The following MYLK variants were observed in gnomAD, a reference collection of about 807,000 sequenced individuals.
MYLK encodes the protein myosin light chain kinase, also known as myosin light chain kinase, smooth muscle.
In MYLK, 106 loss-of-function variants were observed where a neutral mutation model predicts 203.4. The observed-to-expected ratio is 0.52, with a 90% CI of 0.45 to 0.61. MYLK has a LOEUF of 0.61. MYLK is among the 20% of genes least tolerant of loss of function. MYLK has a pLI of 0.00. For synonymous variants in MYLK, 867 were observed against 959.5 expected (o/e 0.90, Z 1.78); for missense variants, 2,072 against 2,442.3 (o/e 0.85, Z 3.20).
intron 20 of MYLK, among the ~76,000 whole-genome samples, chr3:123,671,574 G>A (rs868186559): frequency 6.6e-6 from 1 of 152,308 alleles, no homozygotes; most frequent in African/African-American, 2.4e-5. Context: ...CAGGTTCCAT[G>A]GGACAGCATG....
intron 4 of MYLK, among the ~76,000 whole-genome samples, chr3:123,754,632 G>A (rs976612433): frequency 6.6e-6 from 1 of 152,184 alleles, no homozygotes; most frequent in Admixed American, 6.5e-5. Context: ...CACAGCCACT[G>A]TAATATAAAA....
At chr3:123,679,256 G>A (rs1392931613) in intron 20 of MYLK, among the ~76,000 whole-genome samples, 1 of 150,066 alleles carries the variant, frequency 6.7e-6, no homozygotes, top group Non-Finnish European at 1.5e-5. Flanking sequence ...GTAGTGAGCG[G>A]AGATCGCGCC....
intron 23 of MYLK, among the ~76,000 whole-genome samples, chr3:123,662,587 T>A (rs568235877): frequency 6.6e-6 from 1 of 151,994 alleles, no homozygotes; most frequent in South Asian, 2.1e-4. Flanking sequence ...ACCTTAAGAG[T>A]CAATGTCTAC....
intron 4 of MYLK, among the ~76,000 whole-genome samples, chr3:123,760,043 T>A (rs952690278): frequency 6.6e-6 from 1 of 152,226 alleles, no homozygotes; most frequent in Non-Finnish European, 1.5e-5. Context: ...CAGACAGATC[T>A]ATGTGTGGAT....
At chr3:123,709,342 C>T (rs576712384) in intron 14 of MYLK, 1 of 253,860 alleles carries the variant, frequency 3.9e-6, no homozygotes, top group East Asian at 1.0e-4. Context: ...AGGGTTTCAC[C>T]GTGTTAGCCA....
At chr3:123,654,993 C>G (rs1000938209) in intron 24 of MYLK, among the ~76,000 whole-genome samples, 2 of 152,166 alleles carry the variant, frequency 1.3e-5, no homozygotes, top group African/African-American at 4.8e-5. Flanking sequence ...GCTGGGATTA[C>G]AGGTGTGAGC....
intron 29 of MYLK, among the ~76,000 whole-genome samples, chr3:123,635,898 C>A (rs927132448): frequency 2.6e-5 from 4 of 152,256 alleles, no homozygotes; most frequent in South Asian, 2.1e-4. Context: ...TGGGATACTA[C>A]ATAACACTGA....
At chr3:123,883,624 A>G (rs888976827) in intron 1 of MYLK, among the ~76,000 whole-genome samples, 2 of 152,190 alleles carry the variant, frequency 1.3e-5, no homozygotes, top group Admixed American at 6.5e-5. Flanking sequence ...AAACTTTCCA[A>G]CTGCAATCAT....
At chr3:123,810,480 T>G (rs2109227748) in intron 3 of MYLK, among the ~76,000 whole-genome samples, 1 of 152,270 alleles carries the variant, frequency 6.6e-6, no homozygotes, top group Non-Finnish European at 1.5e-5. Flanking sequence ...GCCCACTGTG[T>G]CAGGGTTCAG....
intron 23 of MYLK, among the ~76,000 whole-genome samples, chr3:123,662,600 C>G (rs1018219642): frequency 4.6e-5 from 7 of 152,196 alleles, no homozygotes; most frequent in Non-Finnish European, 1.0e-4. Flanking sequence ...ATGTCTACAA[C>G]TTCTAACTTC....
Position 123,734,003 on chromosome 3 carries a change from C to T in MYLK, c.993G>A (p.Thr331=), listed in dbSNP as rs55932343. The change falls in exon 10 of 34, where the codon ACG becomes ACA. Residue 331 remains threonine (T), a synonymous_variant. Transcript: ENST00000360304. The part of the protein sequence containing the change: ...KLESCKDSPR[T]APQTPVLQKT... ...TCTGAAGGACCGGGGTCTGCGGGGC[C>T]GTTCTGGGCGAGTCCTTGCATGACT... The T allele has an allele frequency of 1.9e-4, 304 of 1,614,190 alleles. 3 individuals carry two copies. The East Asian group carries it at 6.1e-3, about 33-fold the overall frequency.
intron 5 of MYLK, among the ~76,000 whole-genome samples, chr3:123,741,843 A>T (rs2062865432): frequency 6.6e-6 from 1 of 152,220 alleles, no homozygotes; most frequent in African/African-American, 2.4e-5. Context: ...TGAAACGTGC[A>T]GGTACATGTT....
intron 29 of MYLK, among the ~76,000 whole-genome samples, chr3:123,636,067 G>A (rs1440147536): frequency 6.6e-6 from 1 of 152,214 alleles, no homozygotes; most frequent in African/African-American, 2.4e-5. Flanking sequence ...GGTGCCAGAG[G>A]GCTGTGGGGG....
intron 4 of MYLK, among the ~76,000 whole-genome samples, chr3:123,779,378 T>G (rs1257378904): frequency 1.3e-5 from 2 of 152,240 alleles, no homozygotes; most frequent in Non-Finnish European, 2.9e-5. Context: ...GATCCAGATT[T>G]GATTTGATTT....
intron 4 of MYLK, among the ~76,000 whole-genome samples, chr3:123,755,371 C>T (rs1320105017): frequency 1.3e-5 from 2 of 152,184 alleles, no homozygotes; most frequent in African/African-American, 4.8e-5. Context: ...TTTCTCTTTT[C>T]CTCTCACTTT....
intron 4 of MYLK, among the ~76,000 whole-genome samples, chr3:123,759,757 A>C (rs1475129042): frequency 6.6e-6 from 1 of 152,178 alleles, no homozygotes; most frequent in African/African-American, 2.4e-5. Flanking sequence ...AACTGAGAAG[A>C]TGTAAGACTT....
chr3:123,858,494 T>G (rs1373229377), intron 2 of MYLK, among the ~76,000 whole-genome samples: 2 of 152,168 alleles, frequency 1.3e-5, no homozygotes, highest in African/African-American at 4.8e-5. Flanking sequence ...GTCGAGAGGC[T>G]ACATCTGGTA....
At chr3:123,853,728 C>T (rs1239397399) in intron 2 of MYLK, among the ~76,000 whole-genome samples, 2 of 152,092 alleles carry the variant, frequency 1.3e-5, no homozygotes, top group East Asian at 1.9e-4. Flanking sequence ...AGACTTCCAA[C>T]CTGATGCTAT....
chr3:123,762,034 T>A (rs1340523289), intron 4 of MYLK, among the ~76,000 whole-genome samples: 1 of 151,842 alleles, frequency 6.6e-6, no homozygotes, highest in Non-Finnish European at 1.5e-5. Flanking sequence ...CCTCAAAAAA[T>A]ATATATATTT....
Sources: allele counts gnomAD v4.1 joint callset (sites outside exome capture counted in the v4.1 genomes callset), GRCh38; gene constraint gnomAD v4.1.1; transcripts MANE v1.5; gene names NCBI Gene and HGNC (gene_info 2026-07-23, HGNC 2026-07-21).